The following PLEKHG1 variants were observed in gnomAD, a reference collection of about 807,000 sequenced individuals.
PLEKHG1 encodes the protein pleckstrin homology and RhoGEF domain containing G1, also known as pleckstrin homology domain-containing family G member 1.
Under a neutral mutation model 100.8 loss-of-function variants are expected in PLEKHG1, and 44 were observed. That is an observed-to-expected ratio of 0.44 (90% CI 0.34 to 0.56). PLEKHG1 has a LOEUF of 0.56. Among genes scored for constraint, PLEKHG1 ranks in the 20% least tolerant of loss-of-function variants. The pLI, the probability that PLEKHG1 is intolerant of heterozygous loss-of-function variation, is 0.01. For synonymous variants in PLEKHG1, 640 were observed against 662.5 expected (o/e 0.97, Z 0.52); for missense variants, 1,545 against 1,720.9 (o/e 0.90, Z 1.81).
At chr6:150,614,761 G>A (rs1465856841) in intron 1 of PLEKHG1, among the ~76,000 whole-genome samples, 14 of 152,146 alleles carry the variant, frequency 9.2e-5, no homozygotes, top group Non-Finnish European at 1.5e-4. Flanking sequence ...GGTCTCCTGC[G>A]GAGTGGAAAA....
intron 3 of PLEKHG1, among the ~76,000 whole-genome samples, chr6:150,675,286 A>G (rs936104318): frequency 3.9e-5 from 6 of 152,176 alleles, no homozygotes; most frequent in Non-Finnish European, 2.9e-5. Context: ...GCAAACTTGC[A>G]TGATTGAGGA....
intron 2 of PLEKHG1, among the ~76,000 whole-genome samples, chr6:150,644,332 G>GGGTTTTTTTTTTTT (rs1562404967): frequency 1.3e-4 from 13 of 96,562 alleles, no homozygotes; most frequent in African/African-American, 4.8e-4. Context: ...TTTTCTTTTC[G>GGGTTTTTTTTTTTT]TGTTTTTTTT....
intron 1 of PLEKHG1, among the ~76,000 whole-genome samples, chr6:150,619,411 G>A (rs985336738): frequency 1.3e-5 from 2 of 152,154 alleles, no homozygotes; most frequent in African/African-American, 4.8e-5. Context: ...TCATCCTTGT[G>A]TCTTTCTGAT....
chr6:150,778,870 G>T (rs545720966), intron 3 of PLEKHG1, among the ~76,000 whole-genome samples: 2 of 152,298 alleles, frequency 1.3e-5, no homozygotes, highest in East Asian at 1.9e-4. Context: ...CTAGAAAAAG[G>T]TTGTAAAGGA....
chr6:150,629,806 G>A (rs1046592987), intron 1 of PLEKHG1, among the ~76,000 whole-genome samples: 1 of 152,128 alleles, frequency 6.6e-6, no homozygotes, highest in African/African-American at 2.4e-5. Flanking sequence ...TTTCTATGAT[G>A]TATTTCCTTT....
In PLEKHG1 at chr6:150,646,926, C is replaced by T. The variant is rs117054900; in HGVS notation, c.-157-3802C>T. Among the ~76,000 whole-genome samples the T allele has an allele frequency of 8.9e-4, 136 of 152,226 alleles. 1 individual carries two copies. The East Asian group carries it at 0.017, about 19-fold the overall frequency. On this transcript the variant is annotated intron_variant, in intron 2 of 3. Transcript: ENST00000367326. ...TTACCCTTTTGGCATTATTACAATT[C>T]GACACTGATCTGAAGTCCTGTCATT...
In PLEKHG1 at chr6:150,780,847, T is replaced by G. The variant is rs1785268073; in HGVS notation, c.513-5543T>G. ...TGATTCTGATGTTCTGTTTAGAGAT[T>G]ACTCCAAAAGCAGGGGGTTTTTTGT... is the stretch of plus-strand genomic sequence containing the variant. On this transcript the variant is annotated intron_variant, in intron 3 of 15. Transcript: ENST00000358517. Among the ~76,000 whole-genome samples, 5 of 152,188 alleles carry G rather than the reference T, an allele frequency of 3.3e-5. No homozygotes were observed. The South Asian group carries it at 1.0e-3, about 32-fold the overall frequency.
At chr6:150,649,675 G>C (rs538854257) in intron 2 of PLEKHG1, among the ~76,000 whole-genome samples, 2 of 152,096 alleles carry the variant, frequency 1.3e-5, no homozygotes, top group South Asian at 4.2e-4. Flanking sequence ...TCAGGAGTTC[G>C]AGACCAGCCT....
intron 15 of PLEKHG1, among the ~76,000 whole-genome samples, chr6:150,832,886 C>T (rs899089866): frequency 2.6e-5 from 4 of 151,804 alleles, no homozygotes; most frequent in Non-Finnish European, 4.4e-5. Flanking sequence ...CCATGTTGCC[C>T]AGGCTGGTCT....
intron 1 of PLEKHG1, among the ~76,000 whole-genome samples, chr6:150,616,515 G>C (rs1777078445): frequency 6.6e-6 from 1 of 152,146 alleles, no homozygotes; most frequent in African/African-American, 2.4e-5. Flanking sequence ...AACTATTGAG[G>C]TGTCTTCTCT....
In PLEKHG1 at chr6:150,713,160, T is replaced by C. The variant is rs1781297840; in HGVS notation, c.-98-20424T>C. 2.0e-5 allele frequency among the ~76,000 whole-genome samples: 3 copies of C among 152,280 alleles called. No homozygotes were observed. The South Asian group carries it at 6.2e-4, about 32-fold the overall frequency. On this transcript the variant is annotated intron_variant, in intron 3 of 3. Coordinates refer to the PLEKHG1 transcript ENST00000367326. ...AGAAGGTTTTGTGAAGGAAGAAAGA[T>C]CAGCAGGATGTTGCTCTGTGCCTCG...
At chr6:150,714,832 A>G (rs1440255381) in intron 3 of PLEKHG1, among the ~76,000 whole-genome samples, 3 of 147,832 alleles carry the variant, frequency 2.0e-5, no homozygotes, top group Non-Finnish European at 4.5e-5. Context: ...TTTTTTTGAG[A>G]CAGTCTCACT....
At chr6:150,675,203 A>C (rs1270041227) in intron 3 of PLEKHG1, among the ~76,000 whole-genome samples, 3 of 152,148 alleles carry the variant, frequency 2.0e-5, no homozygotes, top group Non-Finnish European at 4.4e-5. Context: ...ATCACCTATA[A>C]TCAGCTGCTG....
At chr6:150,789,362 A>C (rs142229545) in intron 4 of PLEKHG1, among the ~76,000 whole-genome samples, 3 of 152,344 alleles carry the variant, frequency 2.0e-5, no homozygotes, top group East Asian at 3.9e-4. Context: ...AACTAATGGT[A>C]TCTAACTAGG....
chr6:150,831,347 G>C lies in PLEKHG1; in HGVS notation c.2236G>C (p.Gly746Arg). ...TGAGGAGAACATCTATGACACCATA[G>C]GGCTCCCAGATCCTCCGTCGCTGGG... Residue 746 changes from glycine (G) to arginine (R), a missense_variant, in exon 15 of 16, where the codon GGG becomes CGG. Physicochemically the swap from Gly to Arg is moderately radical, Grantham distance 125. Transcript: ENST00000358517. This position sits in a 1 kb window ranked among gnomAD's most constrained non-coding sequence, Gnocchi z 4.1. 1 of 1,614,114 alleles carries C rather than the reference G, an allele frequency of 6.2e-7. No homozygotes were observed. Among genetic ancestry groups the C allele is most frequent in the East Asian group, 2.2e-5 (1 of 44,856 alleles).
intron 1 of PLEKHG1, among the ~76,000 whole-genome samples, chr6:150,613,648 A>C (rs1776942533): frequency 6.6e-6 from 1 of 152,188 alleles, no homozygotes; most frequent in Non-Finnish European, 1.5e-5. Context: ...GCTTCTGAAG[A>C]GGCTTCCATA....
intron 14 of PLEKHG1, chr6:150,828,221 GC>G: frequency 6.2e-7 from 1 of 1,613,806 alleles, no homozygotes; most frequent in Non-Finnish European, 8.5e-7. Context: ...GTGTTTGGCG[GC>G]ATGAACCTGA....
rs572423834 is a variant in PLEKHG1 at position 150,603,288 on chromosome 6, C to T, written c.-204+3271C>T. Among the ~76,000 whole-genome samples the T allele has an allele frequency of 5.9e-5, 9 of 152,198 alleles. No homozygotes were observed. In the South Asian group the frequency reaches 1.9e-3, roughly 32 times the overall value. On this transcript the variant is annotated intron_variant, in intron 1 of 3. Coordinates refer to the PLEKHG1 transcript ENST00000367326. ...ATATTAATGTTTCATCACAGGCTTGCATCAATCTTGCTTGATAAAATTAAA... is the reference window on the plus strand; with the variant it reads ...ATATTAATGTTTCATCACAGGCTTGTATCAATCTTGCTTGATAAAATTAAA...
At chr6:150,618,523 G>A (rs1240598394) in intron 1 of PLEKHG1, among the ~76,000 whole-genome samples, 2 of 152,230 alleles carry the variant, frequency 1.3e-5, no homozygotes, top group Non-Finnish European at 2.9e-5. Context: ...GAAGAGATGT[G>A]CAGTATTGCA....
Sources: gnomAD v4.1 joint callset for allele counts (sites outside exome capture counted in the v4.1 genomes callset) on GRCh38, gnomAD v4.1.1 for gene constraint, Gnocchi (gnomAD v3.1) non-coding constraint, MANE v1.5 for transcripts, NCBI Gene and HGNC (gene_info 2026-07-23, HGNC 2026-07-21) for gene names.